Variants in OXR1 observed in about 807,000 individuals in gnomAD.
OXR1 encodes the protein oxidation resistance protein 1.
Under a neutral mutation model 104.6 loss-of-function variants are expected in OXR1, and 41 were observed. That is an observed-to-expected ratio of 0.39 (90% confidence interval 0.31 to 0.51). The LOEUF (loss-of-function observed/expected upper bound fraction) is 0.51. Ranked by LOEUF, OXR1 falls within the 20% of genes least tolerant of loss-of-function variation. OXR1 has a pLI of 0.77. For missense variants in OXR1, 955 were observed against 1,031.9 expected (o/e 0.93, Z 1.02); for synonymous variants, 348 against 348.4 (o/e 1.00, Z 0.01).
At chr8:106,294,253 G>A (rs568361262) in intron 1 of OXR1, among the ~76,000 whole-genome samples, 25 of 151,718 alleles carry the variant, frequency 1.6e-4, no homozygotes, top group Middle Eastern at 3.4e-3. Context: ...ACAATTAGCC[G>A]GGTGTGGTGG....
intron 7 of OXR1, 53 bp from the exon 8 acceptor site, chr8:106,702,853 T>C (rs1230844013): frequency 2.9e-6 from 4 of 1,359,966 alleles, no homozygotes; most frequent in Non-Finnish European, 4.1e-6. Flanking sequence ...AGCTAGATAA[T>C]TTTTGAAGTA....
rs148387063 is a variant in OXR1 at position 106,437,721 on chromosome 8, T to C, written c.23+78085T>C. 1.5e-3 allele frequency among the ~76,000 whole-genome samples: 230 copies of C among 152,300 alleles called. 2 individuals carry two copies. The highest frequency in any genetic ancestry group is 5.1e-3 in the African/African-American group (211 of 41,580). On this transcript the variant is annotated intron_variant, in intron 2 of 16. Transcript: ENST00000517566. ...TCCAACAACCCTCTTATATAATCTC[T>C]TTAATGGCTGTTTTCATGCTGAATG...
At chr8:106,606,097 C>A (rs917936830) in intron 3 of OXR1, among the ~76,000 whole-genome samples, 1 of 152,088 alleles carries the variant, frequency 6.6e-6, no homozygotes, top group Non-Finnish European at 1.5e-5. Context: ...GTCCAAAATG[C>A]ATCTCACTGG....
At chr8:106,529,577 C>G (rs1394735236) in intron 3 of OXR1, among the ~76,000 whole-genome samples, 1 of 152,136 alleles carries the variant, frequency 6.6e-6, no homozygotes, top group Non-Finnish European at 1.5e-5. Context: ...ATAAGCTTGC[C>G]AACTCTAGTT....
At position 106,752,414 on chromosome 8, in the gene OXR1, A is replaced by C. The variant is rs949063005; in HGVS notation, c.*1473A>C. ...AAGCATAATGCTAATGGAAAAGAAA[A>C]TCTGATGTTCTATTATAATATGCTA... On this transcript the variant is annotated 3_prime_UTR_variant, in exon 17 of 17. Transcript: ENST00000517566. The C allele has an allele frequency of 6.6e-6, 1 of 152,656 alleles. No homozygotes were observed. The highest frequency in any genetic ancestry group is 1.9e-4 in the East Asian group (1 of 5,192). 9.5% of individuals were successfully genotyped at this position (152,656 alleles called of 1,614,324 possible). A position where few individuals can be genotyped will look rare whatever the true frequency, so the allele number is the denominator to read the frequency against.
intron 15 of OXR1, among the ~76,000 whole-genome samples, chr8:106,744,328 A>T (rs1835200167): frequency 6.6e-6 from 1 of 152,168 alleles, no homozygotes; most frequent in Admixed American, 6.5e-5. Flanking sequence ...TTCTTTGACC[A>T]TTTTGAACTT....
At chr8:106,681,167 A>G (rs984995559) in intron 4 of OXR1, among the ~76,000 whole-genome samples, 2 of 152,210 alleles carry the variant, frequency 1.3e-5, no homozygotes, top group South Asian at 2.1e-4. Context: ...ATCTCATTTA[A>G]TAGAATCACT....
intron 2 of OXR1, among the ~76,000 whole-genome samples, chr8:106,461,063 G>A (rs996915043): frequency 2.0e-5 from 3 of 152,060 alleles, no homozygotes; most frequent in African/African-American, 4.8e-5. Flanking sequence ...AGCAAAGCAC[G>A]TGTATTTGTG....
intron 16 of OXR1, among the ~76,000 whole-genome samples, chr8:106,750,324 C>CTTTT (rs35858491): frequency 1.4e-5 from 2 of 138,194 alleles, no homozygotes; most frequent in East Asian, 2.1e-4. Flanking sequence ...CTTTTCTTTT[C>CTTTT]TTTTTTTTTT....
intron 3 of OXR1, among the ~76,000 whole-genome samples, chr8:106,644,766 G>C (rs933605809): frequency 2.0e-5 from 3 of 152,166 alleles, no homozygotes; most frequent in African/African-American, 4.8e-5. Context: ...GTCATTGTGT[G>C]ACTCATATGA....
At chr8:106,287,657 A>C (rs1215812569) in intron 1 of OXR1, among the ~76,000 whole-genome samples, 5 of 35,738 alleles carry the variant, frequency 1.4e-4, no homozygotes, top group Admixed American at 9.7e-4. Flanking sequence ...ATCCCATTTC[A>C]AAAAAAAAAA....
At chr8:106,650,253 A>G (rs1035899350) in intron 3 of OXR1, among the ~76,000 whole-genome samples, 5 of 152,136 alleles carry the variant, frequency 3.3e-5, no homozygotes, top group Non-Finnish European at 7.4e-5. Context: ...TATGATCTCT[A>G]TTTTACAGGT....
chr8:106,510,489 G>T (rs187435953), intron 2 of OXR1, among the ~76,000 whole-genome samples: 17 of 152,144 alleles, frequency 1.1e-4, no homozygotes, highest in African/African-American at 1.4e-4. Context: ...TTCATTAAAG[G>T]TCAGTAAGAA....
At chr8:106,469,717 G>A (rs1389349689) in intron 2 of OXR1, among the ~76,000 whole-genome samples, 2 of 151,830 alleles carry the variant, frequency 1.3e-5, no homozygotes, top group South Asian at 2.1e-4. Flanking sequence ...GTTCCCACAT[G>A]TAGAAAGGTT....
intron 3 of OXR1, among the ~76,000 whole-genome samples, chr8:106,619,900 A>G (rs1403567408): frequency 1.3e-5 from 2 of 151,794 alleles, no homozygotes; most frequent in South Asian, 2.1e-4. Flanking sequence ...TCCCCAGCCC[A>G]TTCTCCTTTC....
intron 2 of OXR1, among the ~76,000 whole-genome samples, chr8:106,371,292 T>G (rs557078065): frequency 6.6e-6 from 1 of 152,272 alleles, no homozygotes; most frequent in East Asian, 1.9e-4. Flanking sequence ...CTTCTCCCTC[T>G]TCTTTATTAG....
At chr8:106,412,620 G>A (rs1818503076) in intron 2 of OXR1, among the ~76,000 whole-genome samples, 1 of 152,062 alleles carries the variant, frequency 6.6e-6, no homozygotes, top group Admixed American at 6.6e-5. Context: ...CAGGGAGTCA[G>A]GATTTTAGAC....
intron 11 of OXR1, among the ~76,000 whole-genome samples, chr8:106,724,283 T>G (rs1178104709): frequency 6.6e-6 from 1 of 152,224 alleles, no homozygotes; most frequent in Non-Finnish European, 1.5e-5. Flanking sequence ...AAGTGCTTTG[T>G]TTTATATCCC....
intron 2 of OXR1, among the ~76,000 whole-genome samples, chr8:106,385,542 A>G (rs1817339246): frequency 6.6e-6 from 1 of 152,180 alleles, no homozygotes; most frequent in Admixed American, 6.5e-5. Context: ...CAGTGTTCCA[A>G]GTACTTTACA....
Sources: allele counts gnomAD v4.1 joint callset (sites outside exome capture counted in the v4.1 genomes callset), GRCh38; gene constraint gnomAD v4.1.1; transcripts MANE v1.5; gene names NCBI Gene and HGNC (gene_info 2026-07-23, HGNC 2026-07-21).